Variants in QTMAN observed in about 807,000 individuals in gnomAD.
QTMAN encodes the protein queuosine-tRNA mannosyltransferase, also known as tRNA-queuosine alpha-mannosyltransferase.
At chr2:144,207,034 A>G in the QTMAN span, among the ~76,000 whole-genome samples, 2 of 152,320 alleles carry the variant, frequency 1.3e-5, no homozygotes, top group Admixed American at 6.5e-5. Context: ...AACCATAAAC[A>G]GTCATATTTT....
the QTMAN span, among the ~76,000 whole-genome samples, chr2:143,991,098 T>C: frequency 6.6e-6 from 1 of 151,648 alleles, no homozygotes; most frequent in Non-Finnish European, 1.5e-5. Flanking sequence ...ATGAAAAATA[T>C]GAAAAAAAGC....
the QTMAN span, among the ~76,000 whole-genome samples, chr2:144,320,588 A>T: frequency 6.6e-6 from 1 of 152,050 alleles, no homozygotes; most frequent in Non-Finnish European, 1.5e-5. Flanking sequence ...CAGTTCTCCA[A>T]CTTTGGCCTG....
At chr2:144,254,588 A>G in the QTMAN span, among the ~76,000 whole-genome samples, 2 of 152,134 alleles carry the variant, frequency 1.3e-5, no homozygotes, top group Non-Finnish European at 2.9e-5. Context: ...GAAATATGGA[A>G]TTGGAGGCCC....
the QTMAN span, among the ~76,000 whole-genome samples, chr2:144,059,336 T>A: frequency 6.6e-6 from 1 of 152,162 alleles, no homozygotes; most frequent in Non-Finnish European, 1.5e-5. Context: ...CTGTGAAGAT[T>A]TAGGCTCTCT....
chr2:144,125,051 C>G, the QTMAN span, among the ~76,000 whole-genome samples: 1 of 152,064 alleles, frequency 6.6e-6, no homozygotes. Context: ...AAATATAGCA[C>G]AGGTATAAGC....
At chr2:144,303,164 T>A in the QTMAN span, among the ~76,000 whole-genome samples, 2 of 151,854 alleles carry the variant, frequency 1.3e-5, no homozygotes, top group Admixed American at 1.3e-4. Flanking sequence ...TGAAGAATGG[T>A]GAAGCTTTTC....
chr2:144,291,841 A>G, the QTMAN span, among the ~76,000 whole-genome samples: 1 of 152,216 alleles, frequency 6.6e-6, no homozygotes, highest in Non-Finnish European at 1.5e-5. Flanking sequence ...TGAATCATTA[A>G]AATAGTCTCC....
At chr2:144,141,952 C>T in the QTMAN span, 7 of 1,611,524 alleles carry the variant, frequency 4.3e-6, no homozygotes, top group Admixed American at 8.4e-5. Context: ...CTTTCCAGAT[C>T]CTTGGGTCTG....
the QTMAN span, among the ~76,000 whole-genome samples, chr2:144,005,030 G>A: frequency 6.6e-6 from 1 of 151,900 alleles, no homozygotes; most frequent in Non-Finnish European, 1.5e-5. Flanking sequence ...TTTTTTTTAT[G>A]CTGTGCTCTC....
At chr2:144,101,265 T>C in the QTMAN span, among the ~76,000 whole-genome samples, 1 of 152,222 alleles carries the variant, frequency 6.6e-6, no homozygotes. Flanking sequence ...CCAAATCAGG[T>C]GAAATGTGAC....
the QTMAN span, chr2:144,006,777 A>G: frequency 6.3e-6 from 1 of 158,068 alleles, no homozygotes. Flanking sequence ...TCAAGGTAGT[A>G]AATAATGGAA....
chr2:144,188,780 T>A, the QTMAN span, among the ~76,000 whole-genome samples: 1 of 152,190 alleles, frequency 6.6e-6, no homozygotes, highest in Non-Finnish European at 1.5e-5. Context: ...AGCATTCTTT[T>A]AAAAATATTT....
the QTMAN span, among the ~76,000 whole-genome samples, chr2:144,268,786 C>T: frequency 6.6e-6 from 1 of 150,742 alleles, no homozygotes; most frequent in African/African-American, 2.4e-5. Context: ...TTCTAATGGC[C>T]CCAAATTTCC....
chr2:144,194,034 T>C, the QTMAN span, among the ~76,000 whole-genome samples: 1 of 152,206 alleles, frequency 6.6e-6, no homozygotes, highest in African/African-American at 2.4e-5. Context: ...AGCACTACGT[T>C]TTTTAAAAAG....
chr2:144,100,772 T>A, the QTMAN span, among the ~76,000 whole-genome samples: 141 of 152,152 alleles, frequency 9.3e-4, no homozygotes, highest in Middle Eastern at 3.4e-3. Flanking sequence ...TTGCTTAATG[T>A]CTCATCTATT....
At chr2:144,133,434 TAA>T in the QTMAN span, among the ~76,000 whole-genome samples, 49 of 55,910 alleles carry the variant, frequency 8.8e-4, no homozygotes, top group African/African-American at 4.9e-3. Flanking sequence ...ATATAATATA[TAA>T]TATATAATAT....
At chr2:144,265,480 G>A in the QTMAN span, among the ~76,000 whole-genome samples, 8 of 152,156 alleles carry the variant, frequency 5.3e-5, no homozygotes, top group East Asian at 1.2e-3. Flanking sequence ...GGCAGATCAC[G>A]AGGTCAGGAG....
the QTMAN span, among the ~76,000 whole-genome samples, chr2:144,256,453 T>C: frequency 3.9e-5 from 6 of 152,206 alleles, no homozygotes; most frequent in Non-Finnish European, 5.9e-5. Context: ...ATTGCTTTTC[T>C]CTCCGAATAT....
At chr2:144,328,430 T>C in the QTMAN span, among the ~76,000 whole-genome samples, 4 of 152,224 alleles carry the variant, frequency 2.6e-5, no homozygotes, top group Non-Finnish European at 4.4e-5. Context: ...GTTAAGGTGT[T>C]TGTCATTATT....
Sources: gnomAD v4.1 joint callset for allele counts (sites outside exome capture counted in the v4.1 genomes callset) on GRCh38, gnomAD v4.1.1 for gene constraint, MANE v1.5 for transcripts, NCBI Gene and HGNC (gene_info 2026-07-23, HGNC 2026-07-21) for gene names.